NOL4L: variants seen among roughly 807,000 people sequenced by gnomAD.
The protein encoded by NOL4L is nucleolar protein 4-like.
A neutral mutation model predicts 64.5 loss-of-function variants in NOL4L; 7 were observed. The observed-to-expected ratio is 0.11, with a 90% CI of 0.06 to 0.20. The LOEUF (loss-of-function observed/expected upper bound fraction) is 0.20, where lower values mean the gene tolerates loss of function less well. Ranked by LOEUF, NOL4L falls within the 10% of genes least tolerant of loss-of-function variation. The pLI is 1.00. For missense variants in NOL4L, 680 were observed against 967.1 expected, an observed-to-expected ratio of 0.70 and a Z score of 3.94; for synonymous variants, 413 against 401.0, an observed-to-expected ratio of 1.03 and a Z score of -0.36.
In NOL4L at chr20:32,447,763, T is replaced by C. The variant is rs769570581; in HGVS notation, c.1876A>G (p.Thr626Ala). 7 of 1,202,608 alleles carry C rather than the reference T, an allele frequency of 5.8e-6. No individual in the cohort carries two copies. The highest frequency in any genetic ancestry group is 6.5e-4 in the Middle Eastern group (2 of 3,092). 74.5% of individuals were successfully genotyped at this position (1,202,608 alleles called of 1,614,324 possible). A position where few individuals can be genotyped will look rare whatever the true frequency, so the allele number is the denominator to read the frequency against. ...GTGCTGGTGCTGGAGGGGGTGGGCG[T>C]GGGGGTGGTGGAGGTGGTAGAGGCC... The part of the protein sequence containing the change: ...GGASTTSTTP[T>A]PTPSSTSTSR... The change falls in exon 11 of 11, where the codon ACG (threonine) becomes GCG (alanine). Residue 626 changes from threonine (T) to alanine (A), a missense_variant. By Grantham distance (58) the Thr-to-Ala change is moderately conservative (BLOSUM62 0). Coordinates refer to ENST00000621426, the MANE Select transcript of NOL4L (RefSeq NM_001256798.2).
At chr20:32,511,271 A>G in intron 4 of NOL4L, 76 bp downstream of exon 4, 1 of 883,464 alleles carries the variant, frequency 1.1e-6, no homozygotes, top group South Asian at 1.5e-5. Flanking sequence ...TGTGGCCCCA[A>G]GTCTTGGAAA....
rs142463829 is a variant in NOL4L, at chr20:32,476,976, G to C, written c.700-2234C>G. Among the ~76,000 whole-genome samples, 172 of 152,364 alleles carry C rather than the reference G, an allele frequency of 1.1e-3. No homozygotes were observed. The Middle Eastern group carries it at 0.014, about 12-fold the overall frequency. ...GGGCACAAGCTGCTGGGTTTGAGGA[G>C]AGGCAAGGAGGCTGCTGTGGGCAGG... is the stretch of plus-strand genomic sequence containing the variant. On this transcript the variant is annotated intron_variant, in intron 4 of 10. Transcript: ENST00000621426.
At chr20:32,548,862 A>C in intron 1 of NOL4L, 1 of 450,546 alleles carries the variant, frequency 2.2e-6, no homozygotes, top group Non-Finnish European at 4.4e-6. Context: ...ATTATGGTAC[A>C]TCCATAAAAT....
intron 5 of NOL4L, among the ~76,000 whole-genome samples, chr20:32,468,500 A>C (rs2014736597): frequency 6.6e-6 from 1 of 152,112 alleles, no homozygotes; most frequent in Non-Finnish European, 1.5e-5. Context: ...CCGTTGGTTG[A>C]GCACCTATTC....
intron 1 of NOL4L, among the ~76,000 whole-genome samples, chr20:32,552,582 G>A (rs1271255785): frequency 6.6e-6 from 1 of 152,190 alleles, no homozygotes; most frequent in Non-Finnish European, 1.5e-5. Context: ...AGCTACTTGG[G>A]AGGCTGAGGC....
chr20:32,545,403 C>T (rs2018717822), intron 1 of NOL4L, among the ~76,000 whole-genome samples: 1 of 152,248 alleles, frequency 6.6e-6, no homozygotes, highest in African/African-American at 2.4e-5. Context: ...GGGCCACTCA[C>T]ACGTGTGCGA....
At chr20:32,473,378 C>G in intron 5 of NOL4L, among the ~76,000 whole-genome samples, 1 of 152,226 alleles carries the variant, frequency 6.6e-6, no homozygotes, top group East Asian at 1.9e-4. Flanking sequence ...CGGTCCCCAC[C>G]CCCGTGGGAA....
intron 4 of NOL4L, among the ~76,000 whole-genome samples, chr20:32,478,201 G>A (rs2015510506): frequency 6.6e-6 from 1 of 150,938 alleles, no homozygotes; most frequent in African/African-American, 2.5e-5. Context: ...AGTGTCTCAA[G>A]ATGAGGCCCA....
chr20:32,486,060 A>G (rs1204077578), intron 4 of NOL4L, among the ~76,000 whole-genome samples: 1 of 152,246 alleles, frequency 6.6e-6, no homozygotes, highest in African/African-American at 2.4e-5. Context: ...GCCCTGCTCA[A>G]CCCACAGAAA....
At chr20:32,535,480 C>T in intron 1 of NOL4L, 1 of 547,456 alleles carries the variant, frequency 1.8e-6, no homozygotes, top group Non-Finnish European at 2.3e-6. Flanking sequence ...ACTGTTAGCG[C>T]GTAGCTGCCG....
intron 2 of NOL4L, among the ~76,000 whole-genome samples, chr20:32,524,600 T>C (rs776491827): frequency 9.2e-5 from 14 of 152,198 alleles, no homozygotes; most frequent in Non-Finnish European, 1.6e-4. Flanking sequence ...GGATTCAGCG[T>C]TGGCAAAACA....
intron 4 of NOL4L, among the ~76,000 whole-genome samples, chr20:32,488,035 T>C (rs1446893894): frequency 6.6e-6 from 1 of 151,966 alleles, no homozygotes; most frequent in Non-Finnish European, 1.5e-5. Flanking sequence ...ACTCAAGCCA[T>C]TCTTGTGTCT....
chr20:32,448,148 T>C (rs760398045), intron 10 of NOL4L, among the ~76,000 whole-genome samples: 7 of 152,134 alleles, frequency 4.6e-5, no homozygotes, highest in African/African-American at 1.2e-4. Context: ...ACTACTTCCA[T>C]TGAGGAACTG....
intron 4 of NOL4L, chr20:32,509,927 G>A: frequency 8.4e-6 from 11 of 1,304,258 alleles, no homozygotes; most frequent in Non-Finnish European, 1.1e-5. Flanking sequence ...AGGTGCCGGA[G>A]ACAGTGAGGA....
chr20:32,567,457 G>A (rs1288465558), intron 1 of NOL4L, among the ~76,000 whole-genome samples: 2 of 152,196 alleles, frequency 1.3e-5, no homozygotes, highest in Non-Finnish European at 2.9e-5. Context: ...AAGGTGCTGA[G>A]GGCAGAGGAG....
intron 5 of NOL4L, among the ~76,000 whole-genome samples, chr20:32,467,653 TC>T (rs1416278386): frequency 6.6e-6 from 1 of 152,066 alleles, no homozygotes; most frequent in Non-Finnish European, 1.5e-5. Context: ...CCACATCCAG[TC>T]CCAGCCTGGC....
At chr20:32,505,996 C>T (rs890208894) in intron 4 of NOL4L, among the ~76,000 whole-genome samples, 1 of 152,100 alleles carries the variant, frequency 6.6e-6, no homozygotes, top group Non-Finnish European at 1.5e-5. Flanking sequence ...TGAATATACT[C>T]AATGCCACTC....
chr20:32,475,179 C>G (rs1407980235), intron 4 of NOL4L: 1 of 985,350 alleles, frequency 1.0e-6, no homozygotes, highest in African/African-American at 1.7e-5. Context: ...TGAGGCTGAG[C>G]TGAGTGCCCC....
intron 1 of NOL4L, among the ~76,000 whole-genome samples, chr20:32,581,324 C>T (rs765491612): frequency 1.8e-4 from 27 of 152,130 alleles, no homozygotes; most frequent in Non-Finnish European, 1.3e-4. Context: ...TAATTCCCCT[C>T]GCCCTCTCTC....
Sources: allele counts gnomAD v4.1 joint callset (sites outside exome capture counted in the v4.1 genomes callset), GRCh38; gene constraint gnomAD v4.1.1; transcripts MANE v1.5; gene names NCBI Gene and HGNC (gene_info 2026-07-23, HGNC 2026-07-21).